TMEM132D: variants seen among roughly 807,000 people sequenced by gnomAD.
TMEM132D encodes the protein transmembrane protein 132D.
A neutral mutation model predicts 62.3 loss-of-function variants in TMEM132D; 21 were observed. That is an observed-to-expected ratio of 0.34 (90% CI 0.24 to 0.49). The LOEUF is 0.49. Ranked by LOEUF, TMEM132D falls within the 20% of genes least tolerant of loss-of-function variation. TMEM132D has a pLI of 0.99. For missense variants in TMEM132D, 1,346 were observed against 1,402.8 expected (o/e 0.96, Z 0.65); for synonymous variants, 621 against 575.6 (o/e 1.08, Z -1.13).
At chr12:129,450,902 C>T (rs1380690453) in intron 3 of TMEM132D, among the ~76,000 whole-genome samples, 1 of 4,088 alleles carries the variant, frequency 2.4e-4, no homozygotes, top group South Asian at 0.05. Context: ...ATTACAGGTG[C>T]CTGCCACCAC....
intron 1 of TMEM132D, among the ~76,000 whole-genome samples, chr12:129,842,298 C>G (rs1873222970): frequency 1.3e-5 from 2 of 151,938 alleles, no homozygotes; most frequent in African/African-American, 4.8e-5. Context: ...TGCAACATCT[C>G]ATTTTCCCAA....
intron 2 of TMEM132D, among the ~76,000 whole-genome samples, chr12:129,665,055 A>G (rs1565941817): frequency 6.6e-6 from 1 of 152,096 alleles, no homozygotes. Flanking sequence ...ATTAACTACT[A>G]ACACACAGTT....
chr12:129,747,573 C>A lies in TMEM132D; in HGVS notation c.80-46875G>T, dbSNP rs570154364. On this transcript the variant is annotated intron_variant, in intron 1 of 8. Coordinates refer to ENST00000422113, the MANE Select transcript of TMEM132D (RefSeq NM_133448.3). ...ACACCCTCTCACACACTTTCAGACA[C>A]ACACACACACGCGCTCACATGCACA... is the stretch of plus-strand genomic sequence containing the variant. 6.0e-3 allele frequency among the ~76,000 whole-genome samples: 904 copies of A among 151,344 alleles called. 1 individual carries two copies. Among genetic ancestry groups the A allele is most frequent in the Non-Finnish European group, 9.5e-3 (642 of 67,774 alleles).
At chr12:129,860,489 T>C (rs1158087070) in intron 1 of TMEM132D, among the ~76,000 whole-genome samples, 2 of 152,264 alleles carry the variant, frequency 1.3e-5, no homozygotes, top group African/African-American at 4.8e-5. Context: ...CCCCAGGGCA[T>C]TAAACTCGTC....
intron 3 of TMEM132D, among the ~76,000 whole-genome samples, chr12:129,449,183 G>T (rs1326752055): frequency 6.6e-6 from 1 of 152,240 alleles, no homozygotes; most frequent in East Asian, 1.9e-4. Context: ...GAGTTCAAAT[G>T]TGAGAGCAGT....
At chr12:129,079,726 C>A (rs1340928637) in intron 7 of TMEM132D, among the ~76,000 whole-genome samples, 1 of 152,154 alleles carries the variant, frequency 6.6e-6, no homozygotes, top group Admixed American at 6.5e-5. Context: ...CGAATGCCAC[C>A]TTCACTTTCT....
intron 2 of TMEM132D, among the ~76,000 whole-genome samples, chr12:129,688,861 C>T (rs590292): frequency 6.6e-6 from 1 of 152,054 alleles, no homozygotes; most frequent in African/African-American, 2.4e-5. Flanking sequence ...AAATGCAGAA[C>T]CTTCCTCTAT....
Position 129,553,993 on chromosome 12 carries a change from C to T in TMEM132D, c.969-22788G>A, listed in dbSNP as rs572356097. 9.2e-5 allele frequency among the ~76,000 whole-genome samples: 14 copies of T among 152,328 alleles called. No homozygotes were observed. The East Asian group carries it at 2.3e-3, about 25-fold the overall frequency. ...GGTCTCTCCACAAATCTTTGATTAT[C>T]CTTTAATCAACACTATCTAATCGGT... On this transcript the variant is annotated intron_variant, in intron 2 of 8. Coordinates refer to ENST00000422113, the MANE Select transcript of TMEM132D (RefSeq NM_133448.3).
chr12:129,650,593 C>A (rs1418265480), intron 2 of TMEM132D, among the ~76,000 whole-genome samples: 2 of 152,182 alleles, frequency 1.3e-5, no homozygotes, highest in African/African-American at 4.8e-5. Context: ...AGAGTCCTGG[C>A]TGCTTCGTTT....
chr12:129,746,520 G>T (rs1035835356), intron 1 of TMEM132D, among the ~76,000 whole-genome samples: 2 of 152,144 alleles, frequency 1.3e-5, no homozygotes, highest in Admixed American at 6.5e-5. Flanking sequence ...ATTGTCAGGC[G>T]TGGGGGTGGC....
intron 3 of TMEM132D, among the ~76,000 whole-genome samples, chr12:129,346,187 A>G (rs867277535): frequency 6.6e-6 from 1 of 152,096 alleles, no homozygotes; most frequent in South Asian, 2.1e-4. Flanking sequence ...TTGTCTAGGA[A>G]TTTATCCATT....
chr12:129,258,099 A>C (rs985977944), intron 4 of TMEM132D, among the ~76,000 whole-genome samples: 1 of 152,146 alleles, frequency 6.6e-6, no homozygotes, highest in Non-Finnish European at 1.5e-5. Flanking sequence ...AACTAGACAC[A>C]TGTGCTGGAA....
intron 4 of TMEM132D, among the ~76,000 whole-genome samples, chr12:129,313,143 T>C (rs1882022162): frequency 6.6e-6 from 1 of 151,244 alleles, no homozygotes; most frequent in Non-Finnish European, 1.5e-5. Context: ...AAGGAAGAGT[T>C]TCAGACAAGA....
chr12:129,767,003 C>A (rs557894757), intron 1 of TMEM132D, among the ~76,000 whole-genome samples: 508 of 152,308 alleles, frequency 3.3e-3, no homozygotes, highest in Middle Eastern at 6.8e-3. Context: ...ACTGCACAGC[C>A]GCCCCTGGGC....
chr12:129,604,293 C>G (rs563221287), intron 2 of TMEM132D, among the ~76,000 whole-genome samples: 1 of 152,132 alleles, frequency 6.6e-6, no homozygotes, highest in Non-Finnish European at 1.5e-5. Flanking sequence ...GTGTTACAAA[C>G]CTGCACGTTC....
chr12:129,509,835 T>C (rs575002432), intron 3 of TMEM132D, among the ~76,000 whole-genome samples: 1 of 152,318 alleles, frequency 6.6e-6, no homozygotes, highest in South Asian at 2.1e-4. Flanking sequence ...TACTCCGTTG[T>C]ATATATGTAC....
chr12:129,304,903 A>T lies in TMEM132D; in HGVS notation c.1299+32731T>A, dbSNP rs142098583. Among the ~76,000 whole-genome samples the T allele has an allele frequency of 3.2e-3, 481 of 152,158 alleles. 3 individuals are homozygous for T. Among genetic ancestry groups the T allele is most frequent in the African/African-American group, 0.011 (442 of 41,498 alleles). The stretch of plus-strand genomic sequence containing the variant: ...GGTCTTGAACTCTTGCCCTCAAGTG[A>T]TCTGCCCACCTTGGCCTCCCAAAGT... On this transcript the variant is annotated intron_variant, in intron 4 of 8. Coordinates refer to ENST00000422113, the MANE Select transcript of TMEM132D (RefSeq NM_133448.3).
rs141282006 is a variant in TMEM132D, at chr12:129,513,323, C to T, written c.1115+17736G>A. Among the ~76,000 whole-genome samples the T allele has an allele frequency of 8.6e-3, 1,305 of 152,280 alleles. 11 individuals are homozygous for T. The highest frequency in any genetic ancestry group is 0.068 in the Middle Eastern group (20 of 294). Reference sequence around the variant, plus strand: ...CCTTTTGAGGGTGAGAGCTTACTACCATGAGCACAGCACTCAGCCATTGAT... The same window carrying T: ...CCTTTTGAGGGTGAGAGCTTACTACTATGAGCACAGCACTCAGCCATTGAT... On this transcript the variant is annotated intron_variant, in intron 3 of 8. Transcript: ENST00000422113.
chr12:129,393,678 G>T (rs909389591), intron 3 of TMEM132D, among the ~76,000 whole-genome samples: 1 of 152,134 alleles, frequency 6.6e-6, no homozygotes, highest in African/African-American at 2.4e-5. Context: ...GAAAAGTCCT[G>T]AGTGGCTTCC....
Sources: gnomAD v4.1 joint callset for allele counts (sites outside exome capture counted in the v4.1 genomes callset) on GRCh38, gnomAD v4.1.1 for gene constraint, MANE v1.5 for transcripts, NCBI Gene and HGNC (gene_info 2026-07-23, HGNC 2026-07-21) for gene names.